ACADM: variants seen among roughly 807,000 people sequenced by gnomAD.
ACADM encodes medium-chain specific acyl-CoA dehydrogenase, mitochondrial.
A neutral mutation model predicts 58.9 loss-of-function variants in ACADM; 49 were observed. The observed-to-expected ratio is 0.83, with a 90% confidence interval of 0.66 to 1.06. ACADM has a LOEUF of 1.06. Among genes scored for constraint, ACADM ranks in the 50% least tolerant of loss-of-function variants. The pLI is 0.00. For missense variants in ACADM, 496 were observed against 507.0 expected, an observed-to-expected ratio of 0.98 and a Z score of 0.21; for synonymous variants, 160 against 157.7, an observed-to-expected ratio of 1.01 and a Z score of -0.11.
At chr1:75,739,029 A>T (rs571733930) in intron 6 of ACADM, among the ~76,000 whole-genome samples, 1 of 152,248 alleles carries the variant, frequency 6.6e-6, no homozygotes, top group South Asian at 2.1e-4. Context: ...ATTCCCTTAC[A>T]TGCACAGAAT....
intron 8 of ACADM, among the ~76,000 whole-genome samples, chr1:75,748,385 G>A (rs1648014819): frequency 6.6e-6 from 1 of 152,062 alleles, no homozygotes; most frequent in African/African-American, 2.4e-5. Context: ...CATAACCAGT[G>A]CCCTTAAATA....
chr1:75,761,817 A>C (rs1378245392), intron 11 of ACADM, among the ~76,000 whole-genome samples: 1 of 152,246 alleles, frequency 6.6e-6, no homozygotes, highest in African/African-American at 2.4e-5. Flanking sequence ...AGTCAAAAAA[A>C]CTTAGGAGGA....
At chr1:75,750,884 A>T (rs1336040588) in intron 10 of ACADM, 3 of 376,242 alleles carry the variant, frequency 8.0e-6, no homozygotes, top group Non-Finnish European at 1.5e-5. Flanking sequence ...AAGTAGTGGG[A>T]ACTACAGGTG....
chr1:75,760,544 CAAAAAAAAAAAAAAAAA>C lies in ACADM; in HGVS notation c.946-558_946-542del, dbSNP rs59063908. 0.012 allele frequency among the ~76,000 whole-genome samples: 432 copies of C among 35,490 alleles called. 9 individuals are homozygous for C. The South Asian group carries it at 0.22, about 18-fold the overall frequency. The allele number at this position is 35,490 out of a possible 152,430, so 23.3% of individuals were successfully genotyped here. A position where few individuals can be genotyped will look rare whatever the true frequency, so the allele number is the denominator to read the frequency against. ...TGGAAAACAAAGTGAGACCCTGTCT[CAAAAAAAAAAAAAAAAA>C]AAAAAAAAAAAAAAAAAAATCAGGC... On this transcript the variant is annotated intron_variant, in intron 10 of 11. Transcript: ENST00000370841.
intron 7 of ACADM, chr1:75,743,605 G>A: frequency 6.4e-7 from 1 of 1,563,630 alleles, no homozygotes; most frequent in Admixed American, 1.7e-5. Flanking sequence ...CCCCAGGATG[G>A]CAGACAGGGG....
At chr1:75,755,430 C>G (rs1377207383) in intron 10 of ACADM, among the ~76,000 whole-genome samples, 1 of 152,166 alleles carries the variant, frequency 6.6e-6, no homozygotes, top group Non-Finnish European at 1.5e-5. Context: ...AACAATCAGG[C>G]AGCAATGTTT....
chr1:75,747,932 A>G (rs944688172), intron 8 of ACADM, among the ~76,000 whole-genome samples: 1 of 152,186 alleles, frequency 6.6e-6, no homozygotes, highest in African/African-American at 2.4e-5. Flanking sequence ...ATTCTAGTTT[A>G]TTAACTTTTA....
chr1:75,760,864 G>C (rs1648806234), intron 10 of ACADM, among the ~76,000 whole-genome samples: 1 of 152,058 alleles, frequency 6.6e-6, no homozygotes, highest in South Asian at 2.1e-4. Flanking sequence ...AACATTAGAG[G>C]AAGCTGGGTG....
At chr1:75,732,813 G>T (rs1214211289) in intron 3 of ACADM, 40 bp from the exon 4 acceptor site, 1 of 1,607,212 alleles carries the variant, frequency 6.2e-7, no homozygotes. Context: ...AAACTATCTG[G>T]ATTTCAAAAT....
intron 7 of ACADM, among the ~76,000 whole-genome samples, chr1:75,744,956 C>T (rs926627742): frequency 1.3e-5 from 2 of 152,134 alleles, no homozygotes; most frequent in East Asian, 1.9e-4. Flanking sequence ...TTTTTACTTG[C>T]AACTCATATT....
chr1:75,743,611 AG>A (rs1647708376), intron 7 of ACADM: 15 of 1,557,306 alleles, frequency 9.6e-6, no homozygotes, highest in African/African-American at 4.1e-5. Flanking sequence ...GATGGCAGAC[AG>A]GGGGGTTGAT....
intron 10 of ACADM, among the ~76,000 whole-genome samples, chr1:75,754,318 C>T (rs1648379453): frequency 6.6e-6 from 1 of 151,694 alleles, no homozygotes. Flanking sequence ...AGTGATTCTC[C>T]TGCCTCAGCC....
At chr1:75,732,764 G>A in intron 3 of ACADM, 23 bp downstream of exon 3, 3 of 1,607,298 alleles carry the variant, frequency 1.9e-6, no homozygotes, top group Non-Finnish European at 2.6e-6. Flanking sequence ...ATTTTAAAGA[G>A]GGAAAAATCT....
intron 7 of ACADM, 98 bp from the exon 8 acceptor site, chr1:75,745,708 A>G (rs1647856747): frequency 9.6e-6 from 9 of 932,780 alleles, no homozygotes; most frequent in Admixed American, 3.6e-5. Flanking sequence ...AAATGTAGGT[A>G]ATAATAATTG....
At chr1:75,759,662 T>C (rs866376168) in intron 10 of ACADM, among the ~76,000 whole-genome samples, 6,771 of 145,912 alleles carry the variant, frequency 0.046, 232 homozygotes, top group African/African-American at 0.1. Context: ...CTTTCTTTTT[T>C]TTTTTTTTTT....
chr1:75,762,870 T>C lies in ACADM; in HGVS notation c.*107T>C. 1.4e-6 allele frequency: 1 copy of C among 698,660 alleles called. No individual in the cohort carries two copies. Among genetic ancestry groups the C allele is most frequent in the Non-Finnish European group, 2.5e-6 (1 of 400,732 alleles). The allele number at this position is 698,660 out of a possible 1,614,324, so 43.3% of individuals were successfully genotyped here. A position where few individuals can be genotyped will look rare whatever the true frequency, so the allele number is the denominator to read the frequency against. On this transcript the variant is annotated 3_prime_UTR_variant, in exon 12 of 12. Transcript: ENST00000370841. ...TTTCCAGTGAAAACAAATCCTCTTA[T>C]ATTAAATCTAAGCAACTGCTTATTA...
At chr1:75,739,832 G>A (rs1446809434) in intron 6 of ACADM, 148 bp from the exon 7 acceptor site, 4 of 578,294 alleles carry the variant, frequency 6.9e-6, no homozygotes, top group Non-Finnish European at 1.1e-5. Context: ...CATTTGAGTG[G>A]TTTCTTTGAT....
At chr1:75,725,253 TA>T (rs1036356576) in intron 1 of ACADM, among the ~76,000 whole-genome samples, 3 of 126,992 alleles carry the variant, frequency 2.4e-5, no homozygotes, top group Non-Finnish European at 5.1e-5. Context: ...AAAAAAAAAG[TA>T]AAAAAAAAAC....
chr1:75,755,690 A>T (rs189695759), intron 10 of ACADM, among the ~76,000 whole-genome samples: 1 of 152,218 alleles, frequency 6.6e-6, no homozygotes, highest in East Asian at 1.9e-4. Context: ...AAATTCTACA[A>T]ATCAAGAGTG....
Sources: allele counts gnomAD v4.1 joint callset (sites outside exome capture counted in the v4.1 genomes callset), GRCh38; gene constraint gnomAD v4.1.1; transcripts MANE v1.5; gene names NCBI Gene and HGNC (gene_info 2026-07-23, HGNC 2026-07-21).